DYSF: variants seen among roughly 807,000 people sequenced by gnomAD.
DYSF encodes the protein dystrophy-associated fer-1-like 1.
Under a neutral mutation model 274.9 loss-of-function variants are expected in DYSF, and 212 were observed. The observed-to-expected ratio is 0.77, with a 90% CI of 0.69 to 0.86. The LOEUF is 0.86. Ranked by LOEUF, DYSF falls within the 40% of genes least tolerant of loss-of-function variation. DYSF has a pLI of 0.00. For missense variants in DYSF, 2,666 were observed against 2,783.2 expected, an observed-to-expected ratio of 0.96 and a Z score of 0.95; for synonymous variants, 1,091 against 1,078.7, an observed-to-expected ratio of 1.01 and a Z score of -0.22.
At position 71,611,326 on chromosome 2, in the gene DYSF, C is replaced by A. The variant is rs757081616; in HGVS notation, c.4039C>A (p.Leu1347Ile). ...YMVPQNIKPA[L>I]QRTAIEILAW... ...GGTTCCTCAGAACATCAAGCCAGCG[C>A]TCCAGCGTACCGCCATCGAGGTGAG... The change falls in exon 37 of 56, where the codon CTC becomes ATC. Residue 1347 changes from leucine (L) to isoleucine (I), a missense_variant. Transcript: ENST00000410020. The A allele has an allele frequency of 6.2e-7, 1 of 1,614,024 alleles. No homozygotes were observed. The highest frequency in any genetic ancestry group is 2.2e-5 in the East Asian group (1 of 44,876).
At chr2:71,512,046 C>A in intron 5 of DYSF, 125 bp downstream of exon 5, 1 of 722,664 alleles carries the variant, frequency 1.4e-6, no homozygotes, top group Admixed American at 2.0e-5. Context: ...TTGGAGGCTG[C>A]CCAGGCCTGG....
rs371907478 is a variant in DYSF, at chr2:71,507,226, G to C, written c.345+3907G>C. Among the ~76,000 whole-genome samples, 55 of 152,226 alleles carry C rather than the reference G, an allele frequency of 3.6e-4. No individual in the cohort carries two copies. In the East Asian group the frequency reaches 0.01, roughly 28 times the overall value. On this transcript the variant is annotated intron_variant, in intron 4 of 55. Coordinates refer to ENST00000410020, the MANE Select transcript of DYSF (RefSeq NM_001130987.2). ...TGGTGTGCAGTGAGTGGATAGCAGG[G>C]TGAGCCCCTAGAAACAGGAAGGGGC... is the stretch of plus-strand genomic sequence containing the variant.
At position 71,626,762 on chromosome 2, in the gene DYSF, T is replaced by G. The variant is rs115809137; in HGVS notation, c.4527+6153T>G. 7.1e-3 allele frequency among the ~76,000 whole-genome samples: 1,081 copies of G among 152,084 alleles called. 15 individuals carry two copies. The highest frequency in any genetic ancestry group is 0.025 in the African/African-American group (1,038 of 41,540). ...AAGCCGTAAGATTGGCATTATCCGT[T>G]GCCTAAATGTTTGGTAGATTCACTC... On this transcript the variant is annotated intron_variant, in intron 41 of 55. Coordinates refer to ENST00000410020, the MANE Select transcript of DYSF (RefSeq NM_001130987.2).
chr2:71,637,122 C>G (rs1261838834), intron 41 of DYSF, among the ~76,000 whole-genome samples: 1 of 152,110 alleles, frequency 6.6e-6, no homozygotes, highest in Non-Finnish European at 1.5e-5. Flanking sequence ...GAGGTGGAAG[C>G]CCAAAGGGAA....
At chr2:71,511,979 G>C in intron 5 of DYSF, 58 bp downstream of exon 5, 1 of 1,122,068 alleles carries the variant, frequency 8.9e-7, no homozygotes, top group Non-Finnish European at 1.3e-6. Context: ...AGTGGCACTT[G>C]AGCCTGGGGG....
intron 20 of DYSF, 48 bp from the exon 21 acceptor site, chr2:71,553,759 C>A: frequency 2.8e-6 from 4 of 1,441,054 alleles, no homozygotes; most frequent in Non-Finnish European, 3.8e-6. Context: ...CCCATCCCAC[C>A]CGCCCTCCAC....
At chr2:71,680,944 T>C (rs1018419569) in intron 53 of DYSF, 57 bp from the exon 54 acceptor site, 3 of 1,480,182 alleles carry the variant, frequency 2.0e-6, no homozygotes, top group Non-Finnish European at 2.8e-6. Context: ...CTGGTTACTC[T>C]CCAGGCCACT....
Position 71,551,061 on chromosome 2 carries a change from C to T in DYSF, c.1597C>T (p.Leu533Phe), listed in dbSNP as rs759415281. ...CCCAGTGGATGACTACCTGGGCTTC[C>T]TCCCCACTTTTGGGCCCTGCTACAT... ...EIEVDDYLGF[L>F]PTFGPCYINL... is the part of the protein sequence containing the mutation. The change falls in exon 18 of 56, where the codon CTC becomes TTC. Residue 533 changes from leucine (L) to phenylalanine (F), a missense_variant. By Grantham distance (22) the Leu-to-Phe change is conservative. This residue lies in a region of DYSF where 794 missense variants were observed against 777.1 expected (regional missense o/e 1.02). Coordinates refer to ENST00000410020, the MANE Select transcript of DYSF (RefSeq NM_001130987.2). 2.2e-5 allele frequency: 36 copies of T among 1,614,118 alleles called. No homozygotes were observed. Among genetic ancestry groups the T allele is most frequent in the Non-Finnish European group, 3.1e-5 (36 of 1,179,982 alleles).
intron 42 of DYSF, among the ~76,000 whole-genome samples, chr2:71,645,324 T>C (rs1424687536): frequency 6.6e-6 from 1 of 152,072 alleles, no homozygotes. Context: ...AAGGTGGTTT[T>C]CCCCTGGAGT....
chr2:71,456,566 G>A (rs933852356), intron 1 of DYSF, among the ~76,000 whole-genome samples: 3 of 152,144 alleles, frequency 2.0e-5, no homozygotes, highest in African/African-American at 7.2e-5. Flanking sequence ...GACTCTATCT[G>A]TTGTCCCATA....
In DYSF at chr2:71,561,934, T is replaced by C; in HGVS notation, c.2399T>C (p.Leu800Pro). The C allele has an allele frequency of 1.2e-6, 2 of 1,613,890 alleles. No individual in the cohort carries two copies. The highest frequency in any genetic ancestry group is 1.7e-4 in the Middle Eastern group (1 of 6,018). ...AEDWLLRLRA[L>P]AEEPQNSLPD... ...GACTGGCTCCTGCGTCTGCGTGCCC[T>C]GGCAGAGGAGGTAATTAAGCCTGGG... The change falls in exon 23 of 56, where the codon CTG (leucine) becomes CCG (proline). Residue 800 changes from leucine (L) to proline (P), a missense_variant. Leu to Pro is a moderately conservative substitution (Grantham distance 98). Around this residue, in one of 3 missense-constraint regions of DYSF, gnomAD observed 412 missense variants for 504.0 expected, o/e 0.82. Coordinates refer to ENST00000410020, the MANE Select transcript of DYSF (RefSeq NM_001130987.2).
chr2:71,549,345 T>G (rs778691721), intron 17 of DYSF: 1 of 1,612,454 alleles, frequency 6.2e-7, no homozygotes, highest in Non-Finnish European at 8.5e-7. Context: ...TTCTTTACGC[T>G]TCAGAGGAGC....
At chr2:71,618,456 T>TAGAGGTGGGGGG (rs772644653) in intron 40 of DYSF, among the ~76,000 whole-genome samples, 141 of 77,088 alleles carry the variant, frequency 1.8e-3, no homozygotes, top group African/African-American at 2.1e-3. Context: ...AGAGGTGGGG[T>TAGAGGTGGGGGG]TGTGTGTGTG....
intron 53 of DYSF, 131 bp downstream of exon 53, chr2:71,679,366 T>TC: frequency 1.1e-6 from 1 of 885,600 alleles, no homozygotes; most frequent in Non-Finnish European, 1.7e-6. Context: ...CCTGCCCCCA[T>TC]CCCCCCTCTC....
At chr2:71,648,853 A>G (rs1408507171) in intron 42 of DYSF, among the ~76,000 whole-genome samples, 5 of 152,206 alleles carry the variant, frequency 3.3e-5, no homozygotes, top group Admixed American at 2.6e-4. Context: ...ACACACTGAT[A>G]TAAGATCATC....
chr2:71,495,459 T>C (rs1436725141), intron 3 of DYSF, among the ~76,000 whole-genome samples: 19 of 152,148 alleles, frequency 1.2e-4, no homozygotes, highest in Non-Finnish European at 2.2e-4. Context: ...AGTGTTGCTG[T>C]AGGTTGAAAG....
intron 33 of DYSF, among the ~76,000 whole-genome samples, chr2:71,599,812 G>T (rs1017330658): frequency 4.6e-5 from 7 of 152,224 alleles, no homozygotes; most frequent in Admixed American, 2.6e-4. Flanking sequence ...GAACAGGGGT[G>T]GGGGAAGGTG....
chr2:71,613,089 G>A lies in DYSF; in HGVS notation c.4388-245G>A, dbSNP rs147502089. Among the ~76,000 whole-genome samples, 456 of 152,200 alleles carry A rather than the reference G, an allele frequency of 3.0e-3. 3 individuals carry two copies. The highest frequency in any genetic ancestry group is 0.01 in the African/African-American group (427 of 41,524). On this transcript the variant is annotated intron_variant, in intron 39 of 55. Transcript: ENST00000410020. ...AGAGAGGGCAGGGAGACAATGATGC[G>A]GGGAGGGAGGAAAGAAATGTGAGGA...
At chr2:71,627,214 T>G (rs2094222834) in intron 41 of DYSF, among the ~76,000 whole-genome samples, 1 of 151,926 alleles carries the variant, frequency 6.6e-6, no homozygotes, top group African/African-American at 2.4e-5. Context: ...AACCTCTATG[T>G]AAACATTTAA....
Sources: allele counts gnomAD v4.1 joint callset (sites outside exome capture counted in the v4.1 genomes callset), GRCh38; gene constraint gnomAD v4.1.1; regional missense constraint gnomAD v4.1.1; transcripts MANE v1.5; gene names NCBI Gene and HGNC (gene_info 2026-07-23, HGNC 2026-07-21).